Variants in ADAM10 observed in about 807,000 individuals in gnomAD.
ADAM10 encodes the protein ADAM metallopeptidase domain 10, also known as disintegrin and metalloproteinase domain-containing protein 10.
Under a neutral mutation model 90.1 loss-of-function variants are expected in ADAM10, and 17 were observed. The ratio of observed to expected loss-of-function variants is 0.19; its 90% CI spans 0.13 to 0.28. The LOEUF (loss-of-function observed/expected upper bound fraction) is 0.28. Ranked by LOEUF, ADAM10 falls within the 10% of genes least tolerant of loss-of-function variation. The pLI is 1.00. For synonymous variants in ADAM10, 310 were observed against 298.6 expected, an observed-to-expected ratio of 1.04 and a Z score of -0.40; for missense variants, 610 against 914.3, an observed-to-expected ratio of 0.67 and a Z score of 4.29.
Position 58,693,235 on chromosome 15 carries a change from G to A in ADAM10, c.207-10921C>T, listed in dbSNP as rs1406821091. 3 of 596,362 alleles carry A rather than the reference G, an allele frequency of 5.0e-6. No individual in the cohort carries two copies. The African/African-American group carries it at 5.5e-5, about 11-fold the overall frequency. The allele number at this position is 596,362 out of a possible 1,614,324, so 36.9% of individuals were successfully genotyped here. A position where few individuals can be genotyped will look rare whatever the true frequency, so the allele number is the denominator to read the frequency against. ...AGGCTTACAAGTACTAGAGAGCAAG[G>A]TGGGCTGAGTGTCCAAAATGCACAC... is the stretch of plus-strand genomic sequence containing the variant. On this transcript the variant is annotated intron_variant, in intron 2 of 15. Coordinates refer to ENST00000260408, the MANE Select transcript of ADAM10 (RefSeq NM_001110.4).
rs186153293 is a variant in ADAM10, at chr15:58,670,752, T to A, written c.485-5555A>T. ...TAATTTACTTAAGAAAAATACTTAA[T>A]TTACATACAAGAATAGCCATTTTAT... On this transcript the variant is annotated intron_variant, in intron 4 of 15. Transcript: ENST00000260408. Among the ~76,000 whole-genome samples, 218 of 152,262 alleles carry A rather than the reference T, an allele frequency of 1.4e-3. 1 individual carries two copies. The highest frequency in any genetic ancestry group is 5.0e-3 in the African/African-American group (207 of 41,572).
intron 3 of ADAM10, among the ~76,000 whole-genome samples, chr15:58,680,476 C>T (rs1897403507): frequency 6.6e-6 from 1 of 152,100 alleles, no homozygotes; most frequent in African/African-American, 2.4e-5. Flanking sequence ...GCACTTTGAA[C>T]AAAAGTATAC....
intron 1 of ADAM10, among the ~76,000 whole-genome samples, chr15:58,736,756 T>C (rs1899443426): frequency 6.6e-6 from 1 of 152,024 alleles, no homozygotes; most frequent in South Asian, 2.1e-4. Context: ...AGAAACACAG[T>C]ATATCGAAAA....
rs554973390 is a variant in ADAM10, at chr15:58,603,643, T to C, written c.2026-3919A>G. ...GCTACCTAAAATATGGAACTGACCA[T>C]GTTACTCCTTCATGTCAAACCCTTC... On this transcript the variant is annotated intron_variant, in intron 14 of 15. Transcript: ENST00000260408. Among the ~76,000 whole-genome samples, 285 of 152,228 alleles carry C rather than the reference T, an allele frequency of 1.9e-3. 2 individuals are homozygous for C. Among genetic ancestry groups the C allele is most frequent in the African/African-American group, 6.6e-3 (276 of 41,530 alleles).
chr15:58,610,538 A>G (rs1335111611), intron 13 of ADAM10, 21 bp from the exon 14 acceptor site: 5 of 1,603,974 alleles, frequency 3.1e-6, no homozygotes, highest in Admixed American at 3.3e-5. Flanking sequence ...AATGCCAAAT[A>G]TAAGCTGAAG....
intron 11 of ADAM10, among the ~76,000 whole-genome samples, chr15:58,620,230 C>T (rs1406970649): frequency 6.6e-6 from 1 of 152,032 alleles, no homozygotes; most frequent in Non-Finnish European, 1.5e-5. Flanking sequence ...CTTCGGGAGG[C>T]GAAGGTGGGC....
Position 58,596,967 on chromosome 15 carries a change from A to T in ADAM10, c.*580T>A, listed in dbSNP as rs1218256596. 6.0e-6 allele frequency: 1 copy of T among 166,676 alleles called. No homozygotes were observed. The highest frequency in any genetic ancestry group is 1.3e-5 in the Non-Finnish European group (1 of 76,292). The allele number at this position is 166,676 out of a possible 1,614,324, so 10.3% of individuals were successfully genotyped here. Reference sequence around the variant, plus strand: ...ACCACCATTCTCTGTTATCCTGAGTATGTCAATTAAACAGTAATTTTTAAT... The same window carrying T: ...ACCACCATTCTCTGTTATCCTGAGTTTGTCAATTAAACAGTAATTTTTAAT... On this transcript the variant is annotated 3_prime_UTR_variant, in exon 16 of 16. Transcript: ENST00000260408.
At chr15:58,686,619 G>A (rs1468994224) in intron 2 of ADAM10, 17 of 888,096 alleles carry the variant, frequency 1.9e-5, no homozygotes, top group African/African-American at 3.3e-5. Context: ...TTACTCTGAA[G>A]ACTCTAAGAG....
At chr15:58,725,861 C>T (rs982893170) in intron 1 of ADAM10, among the ~76,000 whole-genome samples, 2 of 152,058 alleles carry the variant, frequency 1.3e-5, no homozygotes, top group Non-Finnish European at 2.9e-5. Context: ...GGAGGTGAAA[C>T]GAAGCCCTTC....
chr15:58,699,562 C>T (rs867953665), intron 2 of ADAM10, among the ~76,000 whole-genome samples: 1 of 151,740 alleles, frequency 6.6e-6, no homozygotes, highest in South Asian at 2.1e-4. Context: ...AGTTTGAGAC[C>T]AGGAGTTTGA....
chr15:58,697,420 C>T (rs1898010635), intron 2 of ADAM10, among the ~76,000 whole-genome samples: 1 of 152,160 alleles, frequency 6.6e-6, no homozygotes, highest in South Asian at 2.1e-4. Context: ...AACACCCACA[C>T]ACATTACTAG....
Position 58,688,919 on chromosome 15 carries a change from A to C in ADAM10, c.207-6605T>G, listed in dbSNP as rs563930987. 3.5e-3 allele frequency among the ~76,000 whole-genome samples: 523 copies of C among 149,974 alleles called. 5 individuals are homozygous for C. The highest frequency in any genetic ancestry group is 0.012 in the African/African-American group (502 of 41,178). On this transcript the variant is annotated intron_variant, in intron 2 of 15. Transcript: ENST00000260408. The stretch of plus-strand genomic sequence containing the variant: ...GAGATAAAGAGTTTAAAAAAAAAAA[A>C]CCCAGAGCCTCAGTAACCTATCAAA...
At chr15:58,702,099 C>T (rs1174737810) in intron 2 of ADAM10, among the ~76,000 whole-genome samples, 2 of 151,990 alleles carry the variant, frequency 1.3e-5, no homozygotes, top group South Asian at 2.1e-4. Context: ...GAGCGAGATT[C>T]TGTCTCAAAA....
chr15:58,658,520 C>G (rs1290217418), intron 5 of ADAM10, among the ~76,000 whole-genome samples: 1 of 152,020 alleles, frequency 6.6e-6, no homozygotes, highest in African/African-American at 2.4e-5. Flanking sequence ...ATCAGTTTGT[C>G]AACTACTAGA....
chr15:58,625,770 G>A (rs760563847), intron 10 of ADAM10, among the ~76,000 whole-genome samples: 4 of 152,074 alleles, frequency 2.6e-5, no homozygotes, highest in Non-Finnish European at 5.9e-5. Flanking sequence ...TCTTTCAAAT[G>A]GATGGTTAAA....
intron 4 of ADAM10, among the ~76,000 whole-genome samples, chr15:58,674,545 T>C (rs1897270416): frequency 6.6e-6 from 1 of 152,246 alleles, no homozygotes; most frequent in Non-Finnish European, 1.5e-5. Context: ...ATACAAACAA[T>C]GCTAGCTATT....
At chr15:58,697,072 C>A (rs556412112) in intron 2 of ADAM10, among the ~76,000 whole-genome samples, 1 of 152,298 alleles carries the variant, frequency 6.6e-6, no homozygotes, top group East Asian at 1.9e-4. Context: ...AGCAGAGCTG[C>A]TATGCATTTT....
chr15:58,624,022 C>T (rs1052107448), intron 10 of ADAM10, among the ~76,000 whole-genome samples: 1 of 147,888 alleles, frequency 6.8e-6, no homozygotes, highest in Admixed American at 6.6e-5. Context: ...AGGTGGCTCA[C>T]GCCTGTAAAT....
chr15:58,690,119 C>G lies in ADAM10; in HGVS notation c.207-7805G>C, dbSNP rs567691489. Among the ~76,000 whole-genome samples the G allele has an allele frequency of 4.6e-5, 7 of 152,220 alleles. No homozygotes were observed. The South Asian group carries it at 1.5e-3, about 32-fold the overall frequency. ...CTAAAATCATCAATGTAATTCACCGCATTCAAAGGGGAGAAAAGCCACAAA... is the reference window on the plus strand; with the variant it reads ...CTAAAATCATCAATGTAATTCACCGGATTCAAAGGGGAGAAAAGCCACAAA... On this transcript the variant is annotated intron_variant, in intron 2 of 15. Transcript: ENST00000260408.
Sources: allele counts gnomAD v4.1 joint callset (sites outside exome capture counted in the v4.1 genomes callset), GRCh38; gene constraint gnomAD v4.1.1; transcripts MANE v1.5; gene names NCBI Gene and HGNC (gene_info 2026-07-23, HGNC 2026-07-21).